Variants in GFRA1 observed in about 807,000 individuals in gnomAD.
GFRA1 encodes GDNF family receptor alpha-1.
In GFRA1, 16 loss-of-function variants were observed where a neutral mutation model predicts 51.6. The observed-to-expected ratio is 0.31, with a 90% CI of 0.21 to 0.47. The LOEUF is 0.47. GFRA1 is among the 20% of genes least tolerant of loss of function. GFRA1 has a pLI of 1.00. For missense variants in GFRA1, 530 were observed against 594.3 expected, an observed-to-expected ratio of 0.89 and a Z score of 1.13; for synonymous variants, 270 against 241.3, an observed-to-expected ratio of 1.12 and a Z score of -1.10.
intron 5 of GFRA1, among the ~76,000 whole-genome samples, chr10:116,166,780 C>CTTCTTTTTTTT (rs1267031089): frequency 5.2e-5 from 4 of 76,382 alleles, no homozygotes; most frequent in African/African-American, 2.4e-4. Context: ...CAACAATCTT[C>CTTCTTTTTTTT]TTTTTTTTTT....
chr10:116,186,306 G>A (rs1246835484), intron 5 of GFRA1, among the ~76,000 whole-genome samples: 3 of 152,216 alleles, frequency 2.0e-5, no homozygotes, highest in African/African-American at 7.2e-5. Context: ...CACCAATGGT[G>A]AAATGTAACT....
At chr10:116,200,380 T>A (rs1425415477) in intron 5 of GFRA1, among the ~76,000 whole-genome samples, 1 of 152,232 alleles carries the variant, frequency 6.6e-6, no homozygotes, top group Non-Finnish European at 1.5e-5. Flanking sequence ...CTTCACTAGC[T>A]GTAAGACCTT....
rs1844012065 is a variant in GFRA1, at chr10:116,272,182, G to A, written c.-153C>T. 4.1e-6 allele frequency: 3 copies of A among 725,310 alleles called. No homozygotes were observed. The highest frequency in any genetic ancestry group is 2.7e-5 in the East Asian group (1 of 36,852). The allele number at this position is 725,310 out of a possible 1,614,324, so 44.9% of individuals were successfully genotyped here. ...TCCATCCAGTGAAAGAGGAAACTCC[G>A]GGTCTGGCAGCAGCCACCGCCGCCG... On this transcript the variant is annotated 5_prime_UTR_variant, in exon 2 of 11. Transcript: ENST00000355422. This position sits in a 1 kb window ranked among gnomAD's most constrained non-coding sequence, Gnocchi z 4.4.
chr10:116,140,670 G>GA (rs796094115), intron 5 of GFRA1, among the ~76,000 whole-genome samples: 292 of 146,904 alleles, frequency 2.0e-3, no homozygotes, highest in African/African-American at 6.1e-3. Flanking sequence ...ATGTCAGAAA[G>GA]AAAAAAAAAA....
intron 5 of GFRA1, 70 bp from the exon 6 acceptor site, chr10:116,125,627 T>C (rs1478592309): frequency 1.9e-5 from 23 of 1,233,460 alleles, no homozygotes; most frequent in Non-Finnish European, 2.6e-5. Context: ...TCTGTTTTAA[T>C]TGAGATCCTG....
At chr10:116,160,786 T>C (rs985797294) in intron 5 of GFRA1, among the ~76,000 whole-genome samples, 2 of 152,206 alleles carry the variant, frequency 1.3e-5, no homozygotes, top group African/African-American at 4.8e-5. Flanking sequence ...CACACAGCCA[T>C]GAATACATCT....
intron 9 of GFRA1, among the ~76,000 whole-genome samples, chr10:116,066,601 G>A (rs1380347524): frequency 6.6e-6 from 1 of 152,188 alleles, no homozygotes; most frequent in Admixed American, 6.5e-5. Context: ...AGAGCCCAGA[G>A]AAGTTAAGTG....
chr10:116,205,927 CA>C, intron 5 of GFRA1, among the ~76,000 whole-genome samples: 1 of 2,176 alleles, frequency 4.6e-4, no homozygotes, highest in African/African-American at 9.0e-4. Context: ...TTCCTCATAT[CA>C]CACACACACA....
Position 116,093,823 on chromosome 10 carries a change from G to A in GFRA1, c.894C>T (p.Thr298=). ...AYSGLIGTVM[T]PNYIDSSSLS... ...GGCTACTGGAGTCTATGTAGTTGGG[G>A]GTCATGACTGTGCCTAAAAGAATAA... is the stretch of plus-strand genomic sequence containing the variant. Residue 298 remains threonine, a synonymous_variant, in exon 8 of 11, where the codon ACC becomes ACT. Transcript: ENST00000355422. 1 of 1,613,942 alleles carries A rather than the reference G, an allele frequency of 6.2e-7. No individual in the cohort carries two copies. The highest frequency in any genetic ancestry group is 8.5e-7 in the Non-Finnish European group (1 of 1,179,858).
At chr10:116,161,490 C>G (rs1959787691) in intron 5 of GFRA1, among the ~76,000 whole-genome samples, 1 of 152,008 alleles carries the variant, frequency 6.6e-6, no homozygotes, top group South Asian at 2.1e-4. Flanking sequence ...AAATGTATAC[C>G]CTATTGATAT....
chr10:116,132,719 T>G (rs572561498), intron 5 of GFRA1, among the ~76,000 whole-genome samples: 16 of 152,248 alleles, frequency 1.1e-4, no homozygotes, highest in African/African-American at 3.9e-4. Context: ...TTTCACCCGG[T>G]AAGAAGATTG....
intron 5 of GFRA1, among the ~76,000 whole-genome samples, chr10:116,137,701 A>G (rs1048696896): frequency 6.6e-6 from 1 of 152,238 alleles, no homozygotes; most frequent in East Asian, 1.9e-4. Context: ...GAGAGCCAGG[A>G]GCTGGGCAGA....
chr10:116,258,119 C>T (rs918686165), intron 4 of GFRA1, among the ~76,000 whole-genome samples: 13 of 152,106 alleles, frequency 8.5e-5, no homozygotes, highest in African/African-American at 2.7e-4. Context: ...CATAATTTAT[C>T]TTGTTTATAT....
intron 5 of GFRA1, among the ~76,000 whole-genome samples, chr10:116,200,560 G>A (rs58605312): frequency 0.069 from 10,472 of 152,218 alleles, 1,151 homozygotes; most frequent in African/African-American, 0.24. Context: ...TTTATTTAGC[G>A]ACAAATACTT....
chr10:116,088,140 G>A (rs192301110), intron 9 of GFRA1, among the ~76,000 whole-genome samples: 2 of 152,232 alleles, frequency 1.3e-5, no homozygotes, highest in Admixed American at 6.5e-5. Flanking sequence ...GATGAATGGC[G>A]TGGAGGACAC....
chr10:116,087,501 A>G (rs749528725), intron 9 of GFRA1, among the ~76,000 whole-genome samples: 11 of 152,206 alleles, frequency 7.2e-5, no homozygotes, highest in Non-Finnish European at 1.2e-4. Flanking sequence ...AGTTTCTAAA[A>G]CAGAGAAGGG....
intron 5 of GFRA1, among the ~76,000 whole-genome samples, chr10:116,182,344 AT>A (rs1330225127): frequency 6.6e-6 from 1 of 152,222 alleles, no homozygotes; most frequent in Non-Finnish European, 1.5e-5. Context: ...GAAAACATGT[AT>A]TGCATATTTA....
rs79877172 is a variant in GFRA1, at chr10:116,180,053, T to TA, written c.433+31577dup. On this transcript the variant is annotated intron_variant, in intron 5 of 10. Coordinates refer to ENST00000355422, the MANE Select transcript of GFRA1 (RefSeq NM_005264.8). ...GCAATCCGCAATTTGTCAAATGAAT[T>TA]AGATTCCTTAATAATCATTATTCCA... Among the ~76,000 whole-genome samples, 38 of 152,308 alleles carry TA rather than the reference T, an allele frequency of 2.5e-4. 1 individual carries two copies. The East Asian group carries it at 6.6e-3, about 26-fold the overall frequency.
intron 5 of GFRA1, among the ~76,000 whole-genome samples, chr10:116,173,178 T>TA (rs1961214563): frequency 6.6e-6 from 1 of 152,216 alleles, no homozygotes; most frequent in African/African-American, 2.4e-5. Flanking sequence ...CACTTCCACA[T>TA]AGATGATTCC....
Sources: allele counts gnomAD v4.1 joint callset (sites outside exome capture counted in the v4.1 genomes callset), GRCh38; gene constraint gnomAD v4.1.1; non-coding constraint Gnocchi (gnomAD v3.1); transcripts MANE v1.5; gene names NCBI Gene and HGNC (gene_info 2026-07-23, HGNC 2026-07-21).